CPEB3: variants seen among roughly 807,000 people sequenced by gnomAD.
CPEB3 encodes the protein cytoplasmic polyadenylation element-binding protein 3.
In CPEB3, 20 loss-of-function variants were observed where a neutral mutation model predicts 67.2. The observed-to-expected ratio is 0.30, with a 90% CI of 0.21 to 0.43. CPEB3 has a LOEUF of 0.43. Ranked by LOEUF, CPEB3 falls within the 20% of genes least tolerant of loss-of-function variation. CPEB3 has a pLI of 1.00. For missense variants in CPEB3, 746 were observed against 968.6 expected (o/e 0.77, Z 3.05); for synonymous variants, 376 against 393.1 (o/e 0.96, Z 0.51).
chr10:92,209,707 G>A (rs1368198981), intron 2 of CPEB3, among the ~76,000 whole-genome samples: 1 of 151,604 alleles, frequency 6.6e-6, no homozygotes. Flanking sequence ...TTGGGAGGCA[G>A]ACAGGCAGAT....
intron 2 of CPEB3, among the ~76,000 whole-genome samples, chr10:92,212,950 C>T (rs566830140): frequency 6.6e-6 from 1 of 152,070 alleles, no homozygotes; most frequent in East Asian, 1.9e-4. Context: ...TTTCTTTTTA[C>T]TTTTCAAATG....
intron 7 of CPEB3, among the ~76,000 whole-genome samples, chr10:92,093,194 T>C (rs1167488693): frequency 1.3e-5 from 2 of 152,200 alleles, no homozygotes; most frequent in African/African-American, 4.8e-5. Flanking sequence ...AGAAGCGGGC[T>C]GGGTGCAGAA....
intron 9 of CPEB3, among the ~76,000 whole-genome samples, chr10:92,062,939 T>C (rs1368861446): frequency 3.3e-5 from 5 of 152,204 alleles, no homozygotes; most frequent in African/African-American, 1.2e-4. Flanking sequence ...GAGAGACATT[T>C]AGATTCCTAC....
chr10:92,080,568 T>C (rs1843107848), intron 9 of CPEB3, among the ~76,000 whole-genome samples: 1 of 151,708 alleles, frequency 6.6e-6, no homozygotes, highest in Non-Finnish European at 1.5e-5. Context: ...TTGACTCCAA[T>C]GATTGCCACA....
In CPEB3 at chr10:92,049,207, TTTTTC is replaced by T. The variant is rs919704224; in HGVS notation, c.*3000_*3004del. 5.2e-5 allele frequency: 8 copies of T among 152,470 alleles called. No individual in the cohort carries two copies. Among genetic ancestry groups the T allele is most frequent in the South Asian group, 2.1e-4 (1 of 4,830 alleles). 9.4% of individuals were successfully genotyped at this position (152,470 alleles called of 1,614,324 possible). A position where few individuals can be genotyped will look rare whatever the true frequency, so the allele number is the denominator to read the frequency against. The stretch of plus-strand genomic sequence containing the variant: ...AAATCTGCAATAAAGATTTATGCCT[TTTTTC>T]TTTTCTTTTTTTTTTCTATTTTTTA... On this transcript the variant is annotated 3_prime_UTR_variant, in exon 10 of 10. Coordinates refer to ENST00000265997, the MANE Select transcript of CPEB3 (RefSeq NM_014912.5).
chr10:92,051,986 G>A lies in CPEB3; in HGVS notation c.*226C>T. 1 of 453,930 alleles carries A rather than the reference G, an allele frequency of 2.2e-6. No homozygotes were observed. The allele number at this position is 453,930 out of a possible 1,614,324, so 28.1% of individuals were successfully genotyped here. A position where few individuals can be genotyped will look rare whatever the true frequency, so the allele number is the denominator to read the frequency against. On this transcript the variant is annotated 3_prime_UTR_variant, in exon 10 of 10. Coordinates refer to ENST00000265997, the MANE Select transcript of CPEB3 (RefSeq NM_014912.5). ...CAAGCAGACAAAGGTGTGAATCAAA[G>A]TGCAAATCAGTACCATTCTACACTC...
chr10:92,085,389 A>G (rs1843328992), intron 8 of CPEB3, among the ~76,000 whole-genome samples: 1 of 152,104 alleles, frequency 6.6e-6, no homozygotes, highest in Non-Finnish European at 1.5e-5. Flanking sequence ...TGTCTCATGA[A>G]CAACTTCCAT....
At chr10:92,110,942 C>A (rs1557178) in intron 7 of CPEB3, 134 bp downstream of exon 7, 239,739 of 717,286 alleles carry the variant, frequency 0.33, 42,872 homozygotes, top group African/African-American at 0.53. Context: ...GAAAGTCCAA[C>A]TCTACTGCAT....
chr10:92,273,319 T>C (rs1199100972), intron 1 of CPEB3, among the ~76,000 whole-genome samples: 1 of 152,202 alleles, frequency 6.6e-6, no homozygotes, highest in Non-Finnish European at 1.5e-5. Flanking sequence ...AAGTTTATTA[T>C]TGTTAACATT....
At chr10:92,289,642 G>A (rs1842709261) in intron 1 of CPEB3, among the ~76,000 whole-genome samples, 1 of 146,638 alleles carries the variant, frequency 6.8e-6, no homozygotes. Context: ...CACTTTGGGA[G>A]ACCAATGCGG....
intron 7 of CPEB3, among the ~76,000 whole-genome samples, chr10:92,105,723 T>G (rs1229679594): frequency 6.8e-6 from 1 of 146,592 alleles, no homozygotes; most frequent in Non-Finnish European, 1.5e-5. Context: ...GGGTTTTTTT[T>G]TTTTTTTTTT....
intron 1 of CPEB3, among the ~76,000 whole-genome samples, chr10:92,286,787 T>A (rs1842548431): frequency 6.6e-6 from 1 of 152,184 alleles, no homozygotes; most frequent in Non-Finnish European, 1.5e-5. Context: ...ATACCATTTC[T>A]GTAACGAATA....
At chr10:92,147,764 A>C (rs1846757694) in intron 4 of CPEB3, among the ~76,000 whole-genome samples, 2 of 152,140 alleles carry the variant, frequency 1.3e-5, no homozygotes, top group Admixed American at 1.3e-4. Context: ...AATTTTGAGC[A>C]GAATCTTGTC....
At chr10:92,209,651 A>T (rs1220750277) in intron 2 of CPEB3, among the ~76,000 whole-genome samples, 2 of 152,090 alleles carry the variant, frequency 1.3e-5, no homozygotes, top group Non-Finnish European at 2.9e-5. Flanking sequence ...AAATGCAAGG[A>T]CTCAAAAGTG....
At chr10:92,081,570 G>T in intron 8 of CPEB3, 69 bp from the exon 9 acceptor site, 1 of 1,324,672 alleles carries the variant, frequency 7.5e-7, no homozygotes, top group Non-Finnish European at 1.1e-6. Flanking sequence ...GGAGAAGGAA[G>T]AATTATTTAG....
chr10:92,168,343 C>T (rs1427137918), intron 4 of CPEB3, among the ~76,000 whole-genome samples: 2 of 152,112 alleles, frequency 1.3e-5, no homozygotes, highest in Non-Finnish European at 2.9e-5. Context: ...GTGTTTTTAC[C>T]TGGTTCTGCT....
intron 2 of CPEB3, among the ~76,000 whole-genome samples, chr10:92,230,230 G>T (rs1181578488): frequency 6.6e-6 from 1 of 152,110 alleles, no homozygotes; most frequent in Non-Finnish European, 1.5e-5. Context: ...CATTTAATTA[G>T]TTGCACTGAG....
At chr10:92,183,268 T>TA (rs1482819406) in intron 3 of CPEB3, among the ~76,000 whole-genome samples, 1 of 151,772 alleles carries the variant, frequency 6.6e-6, no homozygotes, top group Admixed American at 6.6e-5. Context: ...ACCCCATTGT[T>TA]AAAAGATACA....
rs1564900232 is a variant in CPEB3, at chr10:92,240,270, T to TTGGGGC, written c.75_80dup (p.Gln27_Pro28dup). The stretch of plus-strand genomic sequence containing the variant: ...GGGCTTCGGATACGCTGGACTCAGG[T>TTGGGGC]TGGGGCTGCTGCTGCTGCCGCTGCT... On this transcript the variant is annotated inframe_insertion, in exon 2 of 10. Transcript: ENST00000265997. 6.6e-7 allele frequency: 1 copy of TTGGGGC among 1,518,230 alleles called. No homozygotes were observed. Among genetic ancestry groups the TTGGGGC allele is most frequent in the East Asian group, 2.5e-5 (1 of 40,592 alleles). The allele number at this position is 1,518,230 out of a possible 1,614,324, so 94.0% of individuals were successfully genotyped here.
Sources: gnomAD v4.1 joint callset for allele counts (sites outside exome capture counted in the v4.1 genomes callset) on GRCh38, gnomAD v4.1.1 for gene constraint, MANE v1.5 for transcripts, NCBI Gene and HGNC (gene_info 2026-07-23, HGNC 2026-07-21) for gene names.